The following CCDC88A variants were observed in gnomAD, a reference collection of about 807,000 sequenced individuals.
CCDC88A encodes girdin.
A neutral mutation model predicts 234.3 loss-of-function variants in CCDC88A; 54 were observed. The observed-to-expected ratio is 0.23, with a 90% CI of 0.19 to 0.29. CCDC88A has a LOEUF of 0.29. Among genes scored for constraint, CCDC88A ranks in the 10% least tolerant of loss-of-function variants. The pLI is 1.00. For synonymous variants in CCDC88A, 753 were observed against 737.8 expected, an observed-to-expected ratio of 1.02 and a Z score of -0.33; for missense variants, 1,832 against 2,123.4, an observed-to-expected ratio of 0.86 and a Z score of 2.70.
intron 28 of CCDC88A, chr2:55,300,216 C>A: frequency 3.1e-6 from 1 of 321,572 alleles, no homozygotes; most frequent in South Asian, 3.1e-5. Context: ...ACATATCCCC[C>A]CAGATCCCCC....
Position 55,355,680 on chromosome 2 carries a change from T to C in CCDC88A, c.699A>G (p.Ser233=), listed in dbSNP as rs748393128. 2.5e-6 allele frequency: 4 copies of C among 1,613,880 alleles called. No individual in the cohort carries two copies. The highest frequency in any genetic ancestry group is 3.4e-6 in the Non-Finnish European group (4 of 1,179,862). ...FLPHASSSAQ[S]PCGSPGMKRT... ...GCTTCATGCCTGGAGAACCACAGGG[T>C]GACTGTGCAGATGAAGAGGCATGGG... Residue 233 remains serine (S), a synonymous_variant, in exon 8 of 33, where the codon TCA becomes TCG. Coordinates refer to ENST00000436346, the MANE Select transcript of CCDC88A (RefSeq NM_001365480.1).
intron 3 of CCDC88A, among the ~76,000 whole-genome samples, chr2:55,375,579 G>C (rs1459052986): frequency 1.0e-4 from 15 of 148,234 alleles, no homozygotes; most frequent in Non-Finnish European, 1.6e-4. Context: ...CCTGGCTGTA[G>C]TGCAGTGGTG....
intron 3 of CCDC88A, among the ~76,000 whole-genome samples, chr2:55,381,390 C>T (rs1451701464): frequency 1.3e-5 from 2 of 151,752 alleles, no homozygotes; most frequent in South Asian, 2.1e-4. Flanking sequence ...TCAACAACAG[C>T]AACAACAACA....
At chr2:55,371,701 G>C (rs981416310) in intron 5 of CCDC88A, among the ~76,000 whole-genome samples, 1 of 152,042 alleles carries the variant, frequency 6.6e-6, no homozygotes, top group Admixed American at 6.6e-5. Context: ...GCCCAAACTG[G>C]TCTCAAACTC....
At chr2:55,410,551 C>G (rs1164076582) in intron 2 of CCDC88A, among the ~76,000 whole-genome samples, 5 of 152,120 alleles carry the variant, frequency 3.3e-5, no homozygotes, top group Non-Finnish European at 5.9e-5. Context: ...TCCTCTCACT[C>G]AGAGTGAAGT....
chr2:55,294,503 C>T (rs750893277), intron 31 of CCDC88A: 30 of 948,528 alleles, frequency 3.2e-5, no homozygotes, highest in Non-Finnish European at 3.8e-5. Context: ...TTAACTATTT[C>T]TTTAAAACAG....
intron 6 of CCDC88A, 54 bp from the exon 7 acceptor site, chr2:55,362,502 T>C (rs1294797729): frequency 6.8e-7 from 1 of 1,474,744 alleles, no homozygotes; most frequent in Admixed American, 2.1e-5. Flanking sequence ...TACTTAAAAA[T>C]CTATTTCACT....
At chr2:55,349,301 T>C (rs1160332400) in intron 9 of CCDC88A, 1 of 503,986 alleles carries the variant, frequency 2.0e-6, no homozygotes, top group African/African-American at 2.0e-5. Context: ...GTAGCTCTTT[T>C]GAATCTTAGC....
Position 55,334,402 on chromosome 2 carries a change from T to C in CCDC88A, c.2419A>G (p.Ser807Gly), listed in dbSNP as rs750193288. 7.6e-6 allele frequency: 12 copies of C among 1,580,284 alleles called. No individual in the cohort carries two copies. Among genetic ancestry groups the C allele is most frequent in the Non-Finnish European group, 1.0e-5 (12 of 1,171,284 alleles). Residue 807 changes from serine to glycine, a missense_variant, in exon 15 of 33, where the codon AGC (serine) becomes GGC (glycine). Around this residue, in one of 6 missense-constraint regions of CCDC88A, gnomAD observed 1,282 missense variants for 1,543.6 expected, o/e 0.83. Coordinates refer to ENST00000436346, the MANE Select transcript of CCDC88A (RefSeq NM_001365480.1). The surrounding 1 kb of genome is among the most constrained non-coding windows in gnomAD (Gnocchi z 6.1). ...QKNLEELKISSKRLEQLEKEN... is the reference protein window; with the variant it reads ...QKNLEELKISGKRLEQLEKEN... ...TTTTCCAGCTGTTCTAGTCTTTTGC[T>C]AGATATTTTTAGTTCTTCTAGGTTT...
At chr2:55,322,507 C>A in intron 18 of CCDC88A, 21 bp downstream of exon 18, 1 of 1,432,244 alleles carries the variant, frequency 7.0e-7, no homozygotes, top group South Asian at 1.2e-5. Context: ...ACTATTTCTA[C>A]TAAAATTTAA....
chr2:55,384,639 G>T (rs1306820418), intron 3 of CCDC88A, among the ~76,000 whole-genome samples: 1 of 102,786 alleles, frequency 9.7e-6, no homozygotes, highest in African/African-American at 4.0e-5. Flanking sequence ...ATGTATATAT[G>T]TGTATATATA....
At chr2:55,325,358 A>C (rs1684134805) in intron 17 of CCDC88A, among the ~76,000 whole-genome samples, 1 of 152,212 alleles carries the variant, frequency 6.6e-6, no homozygotes, top group Non-Finnish European at 1.5e-5. Context: ...TAGAGAAATA[A>C]AATAGGTTTT....
intron 25 of CCDC88A, among the ~76,000 whole-genome samples, 179 bp from the exon 26 acceptor site, chr2:55,303,331 T>C (rs770435130): frequency 3.3e-5 from 5 of 152,184 alleles, no homozygotes; most frequent in Admixed American, 6.5e-5. Context: ...ATATGAAATA[T>C]GTACTTTGAT....
chr2:55,318,276 G>A (rs1446560707), intron 19 of CCDC88A, among the ~76,000 whole-genome samples: 1 of 152,152 alleles, frequency 6.6e-6, no homozygotes, highest in Non-Finnish European at 1.5e-5. Context: ...TTATCAAAGT[G>A]TTGATGTTAA....
chr2:55,374,553 G>A (rs1673322578), intron 4 of CCDC88A, among the ~76,000 whole-genome samples: 1 of 151,938 alleles, frequency 6.6e-6, no homozygotes, highest in Non-Finnish European at 1.5e-5. Flanking sequence ...TCTATAATGA[G>A]ACACTAAAAA....
Position 55,289,205 on chromosome 2 carries a change from T to C in CCDC88A, c.*1995A>G, listed in dbSNP as rs1679274486. On this transcript the variant is annotated 3_prime_UTR_variant, in exon 33 of 33. Transcript: ENST00000436346. ...CAAGCTGTAATGTCATTCGCCCTCATTGGGCTACATCACCACCCATTAAAT... is the reference window on the plus strand; with the variant it reads ...CAAGCTGTAATGTCATTCGCCCTCACTGGGCTACATCACCACCCATTAAAT... The C allele has an allele frequency of 6.6e-6, 1 of 152,656 alleles. No individual in the cohort carries two copies. Among genetic ancestry groups the C allele is most frequent in the Non-Finnish European group, 1.5e-5 (1 of 68,026 alleles). 9.5% of individuals were successfully genotyped at this position (152,656 alleles called of 1,614,324 possible).
In CCDC88A at chr2:55,393,605, G is replaced by C. The variant is rs919837719; in HGVS notation, c.165-4719C>G. ...CACGATGCCCAGCCAAAACTATAGA[G>C]TTTTTGAATGGTGAATTTCTAATTA... On this transcript the variant is annotated intron_variant, in intron 2 of 32. Coordinates refer to ENST00000436346, the MANE Select transcript of CCDC88A (RefSeq NM_001365480.1). Among the ~76,000 whole-genome samples, 4 of 151,982 alleles carry C rather than the reference G, an allele frequency of 2.6e-5. No individual in the cohort carries two copies. In the Middle Eastern group the frequency reaches 0.01, roughly 388 times the overall value.
At chr2:55,390,268 T>C (rs994378505) in intron 2 of CCDC88A, among the ~76,000 whole-genome samples, 1 of 152,170 alleles carries the variant, frequency 6.6e-6, no homozygotes, top group African/African-American at 2.4e-5. Context: ...CTTATTATTT[T>C]GGTTCAAGTA....
At chr2:55,347,253 C>T (rs1030589652) in intron 9 of CCDC88A, among the ~76,000 whole-genome samples, 3 of 152,060 alleles carry the variant, frequency 2.0e-5, no homozygotes, top group Non-Finnish European at 2.9e-5. Context: ...TTATTGTAAT[C>T]CTTTAGGATA....
Sources: gnomAD v4.1 joint callset for allele counts (sites outside exome capture counted in the v4.1 genomes callset) on GRCh38, gnomAD v4.1.1 for gene constraint, gnomAD v4.1.1 regional missense constraint, Gnocchi (gnomAD v3.1) non-coding constraint, MANE v1.5 for transcripts, NCBI Gene and HGNC (gene_info 2026-07-23, HGNC 2026-07-21) for gene names.